PACS2: variants seen among roughly 807,000 people sequenced by gnomAD.
The protein encoded by PACS2 is PACS1-like protein.
In PACS2, 36 loss-of-function variants were observed where a neutral mutation model predicts 113.0. The observed-to-expected ratio is 0.32, with a 90% CI of 0.24 to 0.42. PACS2 has a LOEUF of 0.42. Ranked by LOEUF, PACS2 falls within the 10% of genes least tolerant of loss-of-function variation. The pLI is 1.00. For missense variants in PACS2, 1,015 were observed against 1,239.5 expected, an observed-to-expected ratio of 0.82 and a Z score of 2.72; for synonymous variants, 589 against 536.1, an observed-to-expected ratio of 1.10 and a Z score of -1.36.
intron 19 of PACS2, 116 bp from the exon 20 acceptor site, chr14:105,389,845 T>A: frequency 1.1e-6 from 1 of 919,184 alleles, no homozygotes; most frequent in East Asian, 2.4e-5. Flanking sequence ...GGCAGGGCCA[T>A]CCGGCAGGGC....
chr14:105,380,174 ACC>A lies in PACS2; in HGVS notation c.1125+22_1125+23del. 6.5e-7 allele frequency: 1 copy of A among 1,545,258 alleles called. No individual in the cohort carries two copies. The highest frequency in any genetic ancestry group is 8.8e-7 in the Non-Finnish European group (1 of 1,142,538). On this transcript the variant is annotated intron_variant, in intron 11 of 24. Transcript: ENST00000447393. Reference sequence around the variant, plus strand: ...GCCCTCGTAAGCAGGCTTGGGCCGCACCCACCCGTTCCACACATCAGGCACAC... The same window carrying A: ...GCCCTCGTAAGCAGGCTTGGGCCGCACACCCGTTCCACACATCAGGCACAC...
chr14:105,386,110 C>T (rs1040783672), intron 19 of PACS2, among the ~76,000 whole-genome samples: 9 of 152,240 alleles, frequency 5.9e-5, no homozygotes. Context: ...TTTAGCCCCT[C>T]CTCGTTTTAA....
Position 105,381,088 on chromosome 14 carries a change from C to T in PACS2, c.1257C>T (p.Ile419=). 1 of 1,611,620 alleles carries T rather than the reference C, an allele frequency of 6.2e-7. No individual in the cohort carries two copies. The highest frequency in any genetic ancestry group is 8.5e-7 in the Non-Finnish European group (1 of 1,179,280). ...TCACCAAGACAGAGTCCCTTGTCAT[C>T]CCCTCCACCAGGTGATGGGGGCTGC... is the stretch of plus-strand genomic sequence containing the variant. The part of the protein sequence containing the change: ...GRITKTESLV[I]PSTRSEGKQA... Residue 419 remains isoleucine, a synonymous_variant, in exon 12 of 25, where the codon ATC becomes ATT. Transcript: ENST00000447393.
chr14:105,352,805 CG>C lies in PACS2; in HGVS notation c.297+341del, dbSNP rs587727541. Reference sequence around the variant, plus strand: ...TCCCCATCACTGTTCCCTGGGGAGACGGGCCCCCCCATCACTGTCCCCTGGG... The same window carrying C: ...TCCCCATCACTGTTCCCTGGGGAGACGGCCCCCCCATCACTGTCCCCTGGG... On this transcript the variant is annotated intron_variant, in intron 3 of 24. Coordinates refer to ENST00000447393, the MANE Select transcript of PACS2 (RefSeq NM_001100913.3). Among the ~76,000 whole-genome samples, 5 of 119,850 alleles carry C rather than the reference CG, an allele frequency of 4.2e-5. No individual in the cohort carries two copies. The South Asian group carries it at 1.2e-3, about 29-fold the overall frequency. 78.6% of individuals were successfully genotyped at this position (119,850 alleles called of 152,430 possible). A position where few individuals can be genotyped will look rare whatever the true frequency, so the allele number is the denominator to read the frequency against.
At chr14:105,371,527 C>T (rs1555409396) in intron 8 of PACS2, 2 of 152,232 alleles carry the variant, frequency 1.3e-5, no homozygotes, top group African/African-American at 4.8e-5. Context: ...TCATGCAGGT[C>T]AACACAGTAC....
chr14:105,392,290 C>T (rs1555415144), intron 22 of PACS2: 1 of 409,078 alleles, frequency 2.4e-6, no homozygotes, highest in East Asian at 5.2e-5. Context: ...TCTGTGTTTC[C>T]AGCCGCCGGC....
chr14:105,326,411 C>T (rs1459929420), intron 1 of PACS2, among the ~76,000 whole-genome samples: 1 of 152,240 alleles, frequency 6.6e-6, no homozygotes, highest in Non-Finnish European at 1.5e-5. Flanking sequence ...GGGTGAGTGG[C>T]AGGAGGCCGA....
In PACS2 at chr14:105,358,933, A is replaced by G. The variant is rs1266902341; in HGVS notation, c.423+3756A>G. ...CAGCCCAGTCAGGTGTGGGCTGCAT[A>G]TCAATGGGTGGCCCCGTGAGAATAT... On this transcript the variant is annotated intron_variant, in intron 4 of 24. Transcript: ENST00000447393. The surrounding 1 kb of genome is among the most constrained non-coding windows in gnomAD (Gnocchi z 4.9). Among the ~76,000 whole-genome samples the G allele has an allele frequency of 2.0e-5, 3 of 152,214 alleles. No homozygotes were observed. Among genetic ancestry groups the G allele is most frequent in the Non-Finnish European group, 4.4e-5 (3 of 68,030 alleles).
rs1025610733 is a variant in PACS2, at chr14:105,340,068, C to T, written c.120-8425C>T. On this transcript the variant is annotated intron_variant, in intron 1 of 24. Coordinates refer to ENST00000447393, the MANE Select transcript of PACS2 (RefSeq NM_001100913.3). The surrounding 1 kb of genome is among the most constrained non-coding windows in gnomAD (Gnocchi z 4.2). The stretch of plus-strand genomic sequence containing the variant: ...GGCTGCGATTCCAAGTGTGAGCCAC[C>T]GCGTCTGGCTAAGGAGTATTTTCCT... 4.6e-5 allele frequency among the ~76,000 whole-genome samples: 7 copies of T among 152,318 alleles called. No homozygotes were observed. The highest frequency in any genetic ancestry group is 6.8e-3 in the Middle Eastern group (2 of 294).
At chr14:105,369,602 G>T (rs941321984) in intron 7 of PACS2, among the ~76,000 whole-genome samples, 1 of 152,242 alleles carries the variant, frequency 6.6e-6, no homozygotes, top group Non-Finnish European at 1.5e-5. Context: ...GCTTCTGGAA[G>T]AACCATGGAG....
In PACS2 at chr14:105,330,013, G is replaced by A. The variant is rs2059244306; in HGVS notation, c.119+14976G>A. ...GGTGGGCTCTGGATGCCTGCTGGGG[G>A]ATTTCAGTGAGAACCAGGAAGGGTT... On this transcript the variant is annotated intron_variant, in intron 1 of 24. Coordinates refer to ENST00000447393, the MANE Select transcript of PACS2 (RefSeq NM_001100913.3). The surrounding 1 kb of genome is among the most constrained non-coding windows in gnomAD (Gnocchi z 6.9). Among the ~76,000 whole-genome samples the A allele has an allele frequency of 6.6e-6, 1 of 152,230 alleles. No individual in the cohort carries two copies.
At chr14:105,384,729 A>T (rs1422591541) in intron 17 of PACS2, 150 bp from the exon 18 acceptor site, 7 of 654,248 alleles carry the variant, frequency 1.1e-5, no homozygotes, top group Non-Finnish European at 2.0e-5. Context: ...TCGAGAGTAG[A>T]GCACCAGGGC....
At position 105,394,748 on chromosome 14, in the gene PACS2, T is replaced by G. The variant is rs2081487406; in HGVS notation, c.*76T>G. 1.1e-6 allele frequency: 1 copy of G among 924,958 alleles called. No individual in the cohort carries two copies. The highest frequency in any genetic ancestry group is 1.7e-5 in the Admixed American group (1 of 58,708). The allele number at this position is 924,958 out of a possible 1,614,324, so 57.3% of individuals were successfully genotyped here. On this transcript the variant is annotated 3_prime_UTR_variant, in exon 25 of 25. Transcript: ENST00000447393. Reference sequence around the variant, plus strand: ...CTGCATTTCTGTTAACATTTCAGTTTACTACAGAGACAGACGCTTAAAACA... The same window carrying G: ...CTGCATTTCTGTTAACATTTCAGTTGACTACAGAGACAGACGCTTAAAACA...
intron 3 of PACS2, among the ~76,000 whole-genome samples, chr14:105,353,566 A>T (rs2060318145): frequency 6.6e-6 from 1 of 151,972 alleles, no homozygotes. Context: ...GTATTTGTTT[A>T]TTAGGTTGAG....
chr14:105,381,911 T>C lies in PACS2; in HGVS notation c.1269-3T>C. On this transcript the variant is annotated splice_polypyrimidine_tract_variant and splice_region_variant and intron_variant, in intron 12 of 24. Transcript: ENST00000447393. ...CCACTTAGCCTGTCCTGGTCCCCAA[T>C]AGGTCCGAGGGGAAGCAGGCTGGCC... 6.4e-7 allele frequency: 1 copy of C among 1,550,590 alleles called. No individual in the cohort carries two copies. The highest frequency in any genetic ancestry group is 2.4e-5 in the East Asian group (1 of 41,250).
At chr14:105,341,563 C>T (rs1406797506) in intron 1 of PACS2, among the ~76,000 whole-genome samples, 1 of 152,218 alleles carries the variant, frequency 6.6e-6, no homozygotes, top group Non-Finnish European at 1.5e-5. Flanking sequence ...TGTTATGATT[C>T]TCTCAGGGCC....
rs1555412412 is a variant in PACS2 at position 105,382,829 on chromosome 14, G to A, written c.1541G>A (p.Arg514Lys). 1.2e-6 allele frequency: 2 copies of A among 1,603,352 alleles called. No homozygotes were observed. Among genetic ancestry groups the A allele is most frequent in the African/African-American group, 1.3e-5 (1 of 74,852 alleles). ...CAGTTCCTCTCCGACGTCCTGCAGA[G>A]GCACACGCTCCCCGTGGTGTGCACG... ...QGQFLSDVLQ[R>K]HTLPVVCTCS... The change falls in exon 15 of 25, where the codon AGG becomes AAG. Residue 514 changes from arginine to lysine, a missense_variant. This residue lies in a region of PACS2 where 859 missense variants were observed against 1,056.8 expected (regional missense o/e 0.81). Transcript: ENST00000447393.
chr14:105,301,294 G>C (rs1040677310), intron 1 of PACS2: 1 of 146,542 alleles, frequency 6.8e-6, no homozygotes, highest in African/African-American at 2.5e-5. Context: ...CTGGGGTGAG[G>C]ACTCAGCCGG....
At chr14:105,390,840 G>A (rs879960737) in intron 20 of PACS2, 91 of 331,038 alleles carry the variant, frequency 2.7e-4, no homozygotes, top group Non-Finnish European at 4.6e-4. Context: ...GTAGATCTAC[G>A]TAGCCGCCTG....
Sources: gnomAD v4.1 joint callset for allele counts (sites outside exome capture counted in the v4.1 genomes callset) on GRCh38, gnomAD v4.1.1 for gene constraint, gnomAD v4.1.1 regional missense constraint, Gnocchi (gnomAD v3.1) non-coding constraint, MANE v1.5 for transcripts, NCBI Gene and HGNC (gene_info 2026-07-23, HGNC 2026-07-21) for gene names.